Variants in KCTD16 observed in about 807,000 individuals in gnomAD.
KCTD16 encodes the protein BTB/POZ domain-containing protein KCTD16.
A neutral mutation model predicts 33.2 loss-of-function variants in KCTD16; 13 were observed. The ratio of observed to expected loss-of-function variants is 0.39; its 90% CI spans 0.25 to 0.62. The LOEUF (loss-of-function observed/expected upper bound fraction) is 0.62. Among genes scored for constraint, KCTD16 ranks in the 20% least tolerant of loss-of-function variants. KCTD16 has a pLI of 0.50. For synonymous variants in KCTD16, 197 were observed against 195.3 expected, an observed-to-expected ratio of 1.01 and a Z score of -0.07; for missense variants, 441 against 525.1, an observed-to-expected ratio of 0.84 and a Z score of 1.57.
intron 3 of KCTD16, among the ~76,000 whole-genome samples, chr5:144,353,767 G>A (rs1751502647): frequency 6.6e-6 from 1 of 152,076 alleles, no homozygotes; most frequent in Non-Finnish European, 1.5e-5. Flanking sequence ...GCAAATATAT[G>A]CAAATAATGA....
chr5:144,193,242 A>C (rs1752877531), intron 2 of KCTD16, among the ~76,000 whole-genome samples: 1 of 152,220 alleles, frequency 6.6e-6, no homozygotes, highest in African/African-American at 2.4e-5. Flanking sequence ...TTCTAACTTT[A>C]AATTCCCAAT....
At chr5:144,388,091 T>C (rs1752368059) in intron 3 of KCTD16, among the ~76,000 whole-genome samples, 1 of 125,010 alleles carries the variant, frequency 8.0e-6, no homozygotes. Flanking sequence ...TTTTTTTTTT[T>C]TTTTGAGATG....
At chr5:144,313,008 G>C (rs1561563431) in intron 3 of KCTD16, among the ~76,000 whole-genome samples, 2 of 152,214 alleles carry the variant, frequency 1.3e-5, no homozygotes, top group Non-Finnish European at 2.9e-5. Context: ...AAGAGTGGTA[G>C]TGGTAGTAAA....
intron 3 of KCTD16, among the ~76,000 whole-genome samples, chr5:144,470,533 A>G (rs1754445720): frequency 6.6e-6 from 1 of 152,196 alleles, no homozygotes; most frequent in Non-Finnish European, 1.5e-5. Flanking sequence ...TTAATATAAT[A>G]CATAGACTTC....
intron 3 of KCTD16, among the ~76,000 whole-genome samples, chr5:144,272,631 T>C (rs554884375): frequency 3.3e-5 from 5 of 152,096 alleles, no homozygotes; most frequent in Non-Finnish European, 7.4e-5. Flanking sequence ...TATAGACCCA[T>C]AGAATATCAG....
chr5:144,264,349 A>C (rs188991777), intron 3 of KCTD16, among the ~76,000 whole-genome samples: 1 of 152,182 alleles, frequency 6.6e-6, no homozygotes, highest in East Asian at 1.9e-4. Context: ...CACGTTTTTC[A>C]TTTTGTACTT....
intron 3 of KCTD16, among the ~76,000 whole-genome samples, chr5:144,450,055 A>G (rs1025668435): frequency 6.6e-6 from 1 of 152,084 alleles, no homozygotes; most frequent in Admixed American, 6.6e-5. Flanking sequence ...TTTACCTGAT[A>G]AGAATGAATA....
chr5:144,415,198 G>C (rs1335940177), intron 3 of KCTD16, among the ~76,000 whole-genome samples: 1 of 152,104 alleles, frequency 6.6e-6, no homozygotes, highest in Admixed American at 6.6e-5. Flanking sequence ...CAACTCCCAT[G>C]ATAATGAACC....
chr5:144,402,956 G>A (rs146710812), intron 3 of KCTD16, among the ~76,000 whole-genome samples: 45 of 152,268 alleles, frequency 3.0e-4, no homozygotes, highest in African/African-American at 1.0e-3. Context: ...TTTTTCTGGA[G>A]ACTCCAGAGA....
chr5:144,243,585 T>G (rs1754462681), intron 3 of KCTD16, among the ~76,000 whole-genome samples: 1 of 152,142 alleles, frequency 6.6e-6, no homozygotes, highest in African/African-American at 2.4e-5. Flanking sequence ...TGAAAAAACT[T>G]CAGAGTAAAG....
chr5:144,259,937 A>G (rs1423636088), intron 3 of KCTD16, among the ~76,000 whole-genome samples: 1 of 152,190 alleles, frequency 6.6e-6, no homozygotes. Flanking sequence ...TCATGTCATA[A>G]TGTTCAATAC....
chr5:144,421,719 G>A (rs1753215259), intron 3 of KCTD16, among the ~76,000 whole-genome samples: 1 of 152,230 alleles, frequency 6.6e-6, no homozygotes, highest in Non-Finnish European at 1.5e-5. Flanking sequence ...TTCCGGACTT[G>A]CTTACCTAGC....
chr5:144,195,986 ATTGGATTATAAGC>A (rs1322702127), intron 2 of KCTD16, among the ~76,000 whole-genome samples: 44 of 152,058 alleles, frequency 2.9e-4, no homozygotes, highest in Non-Finnish European at 5.9e-5. Flanking sequence ...GTTTTCCCCT[ATTGGATTATAAGC>A]TTAGTGAAGG....
In KCTD16 at chr5:144,481,856, TC is replaced by T. The variant is rs1754709768; in HGVS notation, c.*7744del. On this transcript the variant is annotated 3_prime_UTR_variant, in exon 4 of 4. Transcript: ENST00000512467. ...GTATTCTAGAATTATGGTTTAAATA[TC>T]CAGTTATAAATAATATATATTACAG... The T allele has an allele frequency of 6.6e-6, 1 of 151,930 alleles. No homozygotes were observed. The highest frequency in any genetic ancestry group is 1.5e-5 in the Non-Finnish European group (1 of 67,942). 9.4% of individuals were successfully genotyped at this position (151,930 alleles called of 1,614,324 possible). A position where few individuals can be genotyped will look rare whatever the true frequency, so the allele number is the denominator to read the frequency against.
chr5:144,470,393 C>T (rs1289174956), intron 3 of KCTD16, among the ~76,000 whole-genome samples: 2 of 152,158 alleles, frequency 1.3e-5, no homozygotes, highest in Non-Finnish European at 2.9e-5. Context: ...GTTATCTTCT[C>T]ACATTTGATT....
intron 3 of KCTD16, among the ~76,000 whole-genome samples, chr5:144,417,882 T>C (rs751219382): frequency 2.8e-4 from 42 of 152,308 alleles, no homozygotes; most frequent in Admixed American, 7.8e-4. Flanking sequence ...TGTGGATTCC[T>C]GGTCTTGCTG....
At chr5:144,286,244 AT>A (rs1257778412) in intron 3 of KCTD16, among the ~76,000 whole-genome samples, 8 of 152,138 alleles carry the variant, frequency 5.3e-5, no homozygotes, top group African/African-American at 1.4e-4. Flanking sequence ...CTTCTAAAAA[AT>A]ATCTTCACTT....
chr5:144,209,914 A>C (rs1431506652), intron 3 of KCTD16, among the ~76,000 whole-genome samples: 1 of 148,106 alleles, frequency 6.8e-6, no homozygotes, highest in African/African-American at 2.5e-5. Flanking sequence ...ATATGTATAT[A>C]TATATATATA....
At chr5:144,440,255 A>G (rs1188052524) in intron 3 of KCTD16, among the ~76,000 whole-genome samples, 1 of 152,166 alleles carries the variant, frequency 6.6e-6, no homozygotes, top group African/African-American at 2.4e-5. Flanking sequence ...TGAACTATGG[A>G]GTTTCTCACA....
Sources: gnomAD v4.1 joint callset for allele counts (sites outside exome capture counted in the v4.1 genomes callset) on GRCh38, gnomAD v4.1.1 for gene constraint, MANE v1.5 for transcripts, NCBI Gene and HGNC (gene_info 2026-07-23, HGNC 2026-07-21) for gene names.